Variants in C10orf90 observed in about 807,000 individuals in gnomAD.
C10orf90 encodes chromosome 10 open reading frame 90.
A neutral mutation model predicts 62.5 loss-of-function variants in C10orf90; 56 were observed. That is an observed-to-expected ratio of 0.90 (90% CI 0.72 to 1.12). C10orf90 has a LOEUF of 1.12. Among genes scored for constraint, C10orf90 ranks in the 50% most tolerant of loss-of-function variants. C10orf90 has a pLI of 0.00. For missense variants in C10orf90, 970 were observed against 880.4 expected, an observed-to-expected ratio of 1.10 and a Z score of -1.29; for synonymous variants, 386 against 340.4, an observed-to-expected ratio of 1.13 and a Z score of -1.47.
intron 2 of C10orf90, among the ~76,000 whole-genome samples, chr10:126,537,230 G>A (rs1235457418): frequency 6.6e-6 from 1 of 152,092 alleles, no homozygotes; most frequent in Non-Finnish European, 1.5e-5. Context: ...CCAACAGGAG[G>A]GTTTATGTGA....
chr10:126,530,220 G>A (rs1290324475), intron 2 of C10orf90, among the ~76,000 whole-genome samples: 1 of 151,736 alleles, frequency 6.6e-6, no homozygotes, highest in African/African-American at 2.4e-5. Flanking sequence ...ACATTAACAT[G>A]GATGAGAAAA....
intron 2 of C10orf90, among the ~76,000 whole-genome samples, chr10:126,535,314 G>T (rs1864205643): frequency 1.3e-5 from 2 of 151,930 alleles, no homozygotes; most frequent in Non-Finnish European, 2.9e-5. Flanking sequence ...TCAGGAGATT[G>T]AGACCATCCT....
At chr10:126,546,273 C>T (rs1296017004) in intron 2 of C10orf90, among the ~76,000 whole-genome samples, 1 of 152,248 alleles carries the variant, frequency 6.6e-6, no homozygotes, top group Non-Finnish European at 1.5e-5. Context: ...TGCCTCCACA[C>T]TTGTGAGGCT....
rs140885456 is a variant in C10orf90, at chr10:126,465,647, C to T, written c.1535-661G>A. Among the ~76,000 whole-genome samples, 573 of 152,242 alleles carry T rather than the reference C, an allele frequency of 3.8e-3. 1 individual carries two copies. Among genetic ancestry groups the T allele is most frequent in the African/African-American group, 0.012 (516 of 41,540 alleles). ...GATAGGAAACAATTTATCGGGTCAA[C>T]GTGCATAGCTCTAATAAAGCAGTGG... On this transcript the variant is annotated intron_variant, in intron 4 of 9. Transcript: ENST00000488181.
chr10:126,633,160 G>C (rs1845883208), intron 2 of C10orf90, among the ~76,000 whole-genome samples: 1 of 152,190 alleles, frequency 6.6e-6, no homozygotes, highest in Non-Finnish European at 1.5e-5. Flanking sequence ...CTGGAAGGGG[G>C]TGATGTCCAG....
intron 4 of C10orf90, among the ~76,000 whole-genome samples, chr10:126,470,762 A>G (rs11244993): frequency 0.3 from 45,844 of 150,982 alleles, 7,055 homozygotes; most frequent in African/African-American, 0.34. Context: ...AAAAAAAAAA[A>G]ATACAGAAAG....
At chr10:126,651,034 C>G (rs116248619) in intron 1 of C10orf90, among the ~76,000 whole-genome samples, 2,146 of 152,262 alleles carry the variant, frequency 0.014, 46 homozygotes, top group African/African-American at 0.049. Flanking sequence ...AGCAGTGCTC[C>G]CATGAGCTTT....
At chr10:126,524,862 T>G (rs560412281) in intron 2 of C10orf90, 2 of 981,676 alleles carry the variant, frequency 2.0e-6, no homozygotes, top group South Asian at 9.4e-5. Flanking sequence ...TCCCATTAAG[T>G]GGAAAACGCC....
rs117745906 is a variant in C10orf90, at chr10:126,430,081, G to A, written c.2189-231C>T. On this transcript the variant is annotated intron_variant, in intron 7 of 9. Coordinates refer to ENST00000488181, the MANE Select transcript of C10orf90 (RefSeq NM_001350921.2). ...AATAAGGACGTGAAGTACAATGTTA[G>A]CATCTAACCTACTTTATGGAGAGCA... 1.8e-4 allele frequency among the ~76,000 whole-genome samples: 28 copies of A among 152,310 alleles called. No homozygotes were observed. In the East Asian group the frequency reaches 5.2e-3, roughly 28 times the overall value.
At chr10:126,436,929 G>T (rs1857960822) in intron 7 of C10orf90, among the ~76,000 whole-genome samples, 2 of 152,146 alleles carry the variant, frequency 1.3e-5, no homozygotes, top group Non-Finnish European at 2.9e-5. Context: ...CTTCCAAAAT[G>T]CTGGTATTAC....
intron 4 of C10orf90, among the ~76,000 whole-genome samples, chr10:126,490,139 T>C (rs1389446671): frequency 1.5e-5 from 2 of 137,680 alleles, no homozygotes; most frequent in African/African-American, 5.3e-5. Flanking sequence ...ATGTATATTA[T>C]ATATACATAT....
At chr10:126,520,117 TC>T in intron 2 of C10orf90, 1 of 152,118 alleles carries the variant, frequency 6.6e-6, no homozygotes, top group Non-Finnish European at 1.5e-5. Context: ...CTCTGCACCC[TC>T]CCCCTCACCT....
intron 2 of C10orf90, among the ~76,000 whole-genome samples, chr10:126,563,866 T>C (rs924130928): frequency 2.0e-5 from 3 of 152,164 alleles, no homozygotes; most frequent in Non-Finnish European, 2.9e-5. Context: ...CTCACAGTCC[T>C]GTGCAGGGCC....
chr10:126,563,375 T>C (rs1323946212), intron 2 of C10orf90, among the ~76,000 whole-genome samples: 2 of 152,168 alleles, frequency 1.3e-5, no homozygotes, highest in Non-Finnish European at 2.9e-5. Flanking sequence ...GGCCAAGCCC[T>C]GCCTTAGCTT....
chr10:126,581,705 A>G (rs1458723295), intron 2 of C10orf90, among the ~76,000 whole-genome samples: 2 of 152,226 alleles, frequency 1.3e-5, no homozygotes, highest in African/African-American at 4.8e-5. Context: ...CTTGTAAAAT[A>G]TGCTGAACAC....
At chr10:126,526,763 T>G (rs1186061476) in intron 2 of C10orf90, among the ~76,000 whole-genome samples, 3 of 152,176 alleles carry the variant, frequency 2.0e-5, no homozygotes, top group African/African-American at 7.2e-5. Context: ...ACTCAACAAC[T>G]GTCTCTCTCT....
intron 4 of C10orf90, among the ~76,000 whole-genome samples, chr10:126,502,279 C>A (rs1323655100): frequency 2.0e-5 from 3 of 152,210 alleles, no homozygotes; most frequent in African/African-American, 4.8e-5. Context: ...ATTCAAGACT[C>A]CCCTGGTGTC....
chr10:126,663,881 G>A (rs538183550), intron 1 of C10orf90, among the ~76,000 whole-genome samples: 60 of 152,224 alleles, frequency 3.9e-4, no homozygotes, highest in African/African-American at 1.3e-3. Context: ...AGTACACTAA[G>A]GTGTGAGGGC....
rs971603919 is a variant in C10orf90 at position 126,571,372 on chromosome 10, C to T, written c.314-57433G>A. 1.4e-4 allele frequency among the ~76,000 whole-genome samples: 21 copies of T among 152,236 alleles called. 1 individual carries two copies. Among genetic ancestry groups the T allele is most frequent in the Admixed American group, 2.0e-4 (3 of 15,296 alleles). Reference sequence around the variant, plus strand: ...GAGGACTGGCCCTGAGCCCGGTGGCCCAAGTCACCCAGGAGCAGCGCAGTT... The same window carrying T: ...GAGGACTGGCCCTGAGCCCGGTGGCTCAAGTCACCCAGGAGCAGCGCAGTT... On this transcript the variant is annotated intron_variant, in intron 2 of 9. Transcript: ENST00000488181.
Sources: allele counts gnomAD v4.1 joint callset (sites outside exome capture counted in the v4.1 genomes callset), GRCh38; gene constraint gnomAD v4.1.1; transcripts MANE v1.5; gene names NCBI Gene and HGNC (gene_info 2026-07-23, HGNC 2026-07-21).